The following RIPOR2 variants were observed in gnomAD, a reference collection of about 807,000 sequenced individuals.
The protein encoded by RIPOR2 is RHO family interacting cell polarization regulator 2.
In RIPOR2, 39 loss-of-function variants were observed where a neutral mutation model predicts 114.5. That is an observed-to-expected ratio of 0.34 (90% CI 0.26 to 0.44). The LOEUF is 0.44. RIPOR2 is among the 20% of genes least tolerant of loss of function. The probability of loss-of-function intolerance (pLI) is 1.00; values close to 1 mark genes in which losing one functional copy is unlikely to be tolerated. For synonymous variants in RIPOR2, 445 were observed against 484.4 expected (o/e 0.92, Z 1.07); for missense variants, 1,007 against 1,255.1 (o/e 0.80, Z 2.99).
intron 1 of RIPOR2, among the ~76,000 whole-genome samples, chr6:24,902,873 C>T (rs1768613019): frequency 6.6e-6 from 1 of 152,182 alleles, no homozygotes; most frequent in Non-Finnish European, 1.5e-5. Flanking sequence ...ATTTACCTCA[C>T]AGGGAAGAAA....
At chr6:24,906,171 G>A (rs1768972502) in intron 1 of RIPOR2, among the ~76,000 whole-genome samples, 1 of 152,070 alleles carries the variant, frequency 6.6e-6, no homozygotes, top group Non-Finnish European at 1.5e-5. Flanking sequence ...CCTTTTGACT[G>A]TCCCTAACTT....
intron 10 of RIPOR2, 147 bp from the exon 11 acceptor site, chr6:24,850,097 CTTTTT>C (rs5875008): frequency 2.4e-4 from 107 of 436,962 alleles, no homozygotes; most frequent in South Asian, 3.1e-4. Flanking sequence ...TTTTCTTTTT[CTTTTT>C]TTTTTTTTTT....
At chr6:24,972,519 A>G (rs1347385946) in intron 1 of RIPOR2, among the ~76,000 whole-genome samples, 1 of 152,186 alleles carries the variant, frequency 6.6e-6, no homozygotes, top group Non-Finnish European at 1.5e-5. Flanking sequence ...CCTGAAGAAG[A>G]GAGGTCTCAG....
rs779469825 is a variant in RIPOR2 at position 24,843,077 on chromosome 6, T to G, written c.1642A>C (p.Lys548Gln). The G allele has an allele frequency of 5.0e-6, 8 of 1,613,740 alleles. No individual in the cohort carries two copies. In the East Asian group the frequency reaches 1.8e-4, roughly 36 times the overall value. Reference sequence around the variant, plus strand: ...GGCACCTCTGCAGATGTGAGCCTCTTGACCAGCTGCTTTGTGATGTTTCCT... The same window carrying G: ...GGCACCTCTGCAGATGTGAGCCTCTGGACCAGCTGCTTTGTGATGTTTCCT... ...SEGNITKQLVKRLTSAEVPMA... is the reference protein window; with the variant it reads ...SEGNITKQLVQRLTSAEVPMA... The change falls in exon 13 of 22, where the codon AAG (lysine) becomes CAG (glutamine). Residue 548 changes from lysine (K) to glutamine (Q), a missense_variant. Physicochemically the swap from Lys to Gln is moderately conservative, Grantham distance 53 (BLOSUM62 1). Transcript: ENST00000643898.
chr6:24,864,793 A>G (rs1764417554), intron 7 of RIPOR2, among the ~76,000 whole-genome samples: 1 of 152,194 alleles, frequency 6.6e-6, no homozygotes, highest in Admixed American at 6.5e-5. Context: ...AAAACATTGT[A>G]GGCAGAGGGT....
rs541774937 is a variant in RIPOR2, at chr6:24,830,585, C to A, written c.2430G>T (p.Ala810=). Residue 810 remains alanine, a synonymous_variant, in exon 17 of 22, where the codon GCG becomes GCT. Transcript: ENST00000643898. ...CSPVGVYHSP[A]DRVMKQLEAS... ...CCTCCAGCTGCTTCATCACTCTGTCCGCTGGGCTGTGGTAGACACCAACAG... is the reference window on the plus strand; with the variant it reads ...CCTCCAGCTGCTTCATCACTCTGTCAGCTGGGCTGTGGTAGACACCAACAG... 1.3e-6 allele frequency: 2 copies of A among 1,551,342 alleles called. No individual in the cohort carries two copies. Among genetic ancestry groups the A allele is most frequent in the African/African-American group, 2.7e-5 (2 of 73,008 alleles).
chr6:24,988,180 T>C (rs1273292607), intron 1 of RIPOR2, among the ~76,000 whole-genome samples: 1 of 152,206 alleles, frequency 6.6e-6, no homozygotes, highest in African/African-American at 2.4e-5. Context: ...CTATTGTGAA[T>C]AGCTTCTTTT....
intron 4 of RIPOR2, 99 bp downstream of exon 4, chr6:24,872,782 C>A (rs779999956): frequency 2.8e-5 from 22 of 772,658 alleles, no homozygotes; most frequent in Non-Finnish European, 4.9e-5. Flanking sequence ...CCCCTTGGAT[C>A]TGCTTTTCTC....
chr6:24,895,719 T>G (rs1178188318), intron 1 of RIPOR2, among the ~76,000 whole-genome samples: 4 of 152,156 alleles, frequency 2.6e-5, no homozygotes, highest in Non-Finnish European at 5.9e-5. Context: ...GGCCGGGCGC[T>G]GTGGCTCACG....
intron 1 of RIPOR2, chr6:24,876,869 A>G (rs1765822017): frequency 1.5e-6 from 1 of 645,608 alleles, no homozygotes; most frequent in East Asian, 1.4e-4. Context: ...GCAGAAGCCC[A>G]GGGCTAGTTC....
chr6:24,961,458 G>A (rs1773304582), intron 1 of RIPOR2, among the ~76,000 whole-genome samples: 2 of 152,310 alleles, frequency 1.3e-5, no homozygotes, highest in South Asian at 4.1e-4. Flanking sequence ...GGGTGGCTCT[G>A]AAGTCAAACA....
At chr6:25,036,274 C>T (rs1025285914) in intron 1 of RIPOR2, among the ~76,000 whole-genome samples, 6 of 152,208 alleles carry the variant, frequency 3.9e-5, no homozygotes, top group Non-Finnish European at 7.3e-5. Flanking sequence ...TCACTGTTGT[C>T]TTTTCAGTGG....
At chr6:24,867,722 T>C (rs1327891973) in intron 6 of RIPOR2, among the ~76,000 whole-genome samples, 3 of 152,248 alleles carry the variant, frequency 2.0e-5, no homozygotes, top group Admixed American at 2.0e-4. Context: ...ATTAAACTTT[T>C]GGATAAAGTA....
At chr6:24,845,515 G>C (rs1000576851) in intron 12 of RIPOR2, among the ~76,000 whole-genome samples, 1 of 152,156 alleles carries the variant, frequency 6.6e-6, no homozygotes, top group African/African-American at 2.4e-5. Context: ...GGGTATGGCA[G>C]GGAGATTGGG....
chr6:24,848,256 A>G (rs1049000760), intron 11 of RIPOR2, 102 bp from the exon 12 acceptor site: 10 of 1,236,916 alleles, frequency 8.1e-6, no homozygotes, highest in Non-Finnish European at 1.1e-5. Flanking sequence ...GGTAAACTCA[A>G]CCAGAGGTTC....
chr6:25,004,601 C>T (rs532239007), intron 1 of RIPOR2, among the ~76,000 whole-genome samples: 6 of 152,310 alleles, frequency 3.9e-5, no homozygotes, highest in African/African-American at 1.4e-4. Context: ...GGGATCCCTG[C>T]TCAGCAGGCC....
chr6:24,970,333 G>A (rs1478673173), intron 1 of RIPOR2, among the ~76,000 whole-genome samples: 1 of 152,192 alleles, frequency 6.6e-6, no homozygotes, highest in African/African-American at 2.4e-5. Flanking sequence ...GAGGTGAGCG[G>A]AGGCAGTAGA....
At chr6:24,928,731 C>G (rs966080185) in intron 1 of RIPOR2, among the ~76,000 whole-genome samples, 11 of 152,162 alleles carry the variant, frequency 7.2e-5, no homozygotes, top group Non-Finnish European at 1.3e-4. Flanking sequence ...TCTTTCTTCT[C>G]TTTATTTTAT....
chr6:24,887,849 T>TAGC (rs1766975231), intron 1 of RIPOR2, among the ~76,000 whole-genome samples: 1 of 152,032 alleles, frequency 6.6e-6, no homozygotes, highest in Admixed American at 6.6e-5. Context: ...ATGCAGGGAG[T>TAGC]AGCAGCTGGC....
Sources: allele counts gnomAD v4.1 joint callset (sites outside exome capture counted in the v4.1 genomes callset), GRCh38; gene constraint gnomAD v4.1.1; transcripts MANE v1.5; gene names NCBI Gene and HGNC (gene_info 2026-07-23, HGNC 2026-07-21).